Variants in RANBP9 observed in about 807,000 individuals in gnomAD.
The protein encoded by RANBP9 is ran-binding protein 9.
RANBP9 carries 15 observed loss-of-function variants against 84.3 expected under a neutral mutation model. That is an observed-to-expected ratio of 0.18 (90% CI 0.12 to 0.27). RANBP9 has a LOEUF of 0.27. Ranked by LOEUF, RANBP9 falls within the 10% of genes least tolerant of loss-of-function variation. RANBP9 has a pLI of 1.00. For missense variants in RANBP9, 809 were observed against 912.8 expected (o/e 0.89, Z 1.46); for synonymous variants, 392 against 349.6 (o/e 1.12, Z -1.35).
intron 10 of RANBP9, 126 bp from the exon 11 acceptor site, chr6:13,634,678 AAAG>A: frequency 1.1e-6 from 1 of 942,996 alleles, no homozygotes; most frequent in South Asian, 2.4e-5. Flanking sequence ...AATCTGCAAA[AAAG>A]GTATTTAGTT....
intron 1 of RANBP9, among the ~76,000 whole-genome samples, chr6:13,704,102 TTC>T: frequency 6.6e-6 from 1 of 152,326 alleles, no homozygotes; most frequent in Admixed American, 6.5e-5. Context: ...ATATCTGCCT[TTC>T]TCTGGCCTTA....
chr6:13,651,267 G>A (rs1335676384), intron 5 of RANBP9, among the ~76,000 whole-genome samples: 2 of 152,114 alleles, frequency 1.3e-5, no homozygotes, highest in Admixed American at 6.5e-5. Context: ...AATAAGATAC[G>A]TGGAATCAAA....
intron 1 of RANBP9, among the ~76,000 whole-genome samples, chr6:13,703,956 T>C (rs1252736009): frequency 6.6e-6 from 1 of 152,240 alleles, no homozygotes; most frequent in African/African-American, 2.4e-5. Flanking sequence ...ATTTTATTCA[T>C]GGTTCACTGC....
intron 5 of RANBP9, among the ~76,000 whole-genome samples, chr6:13,648,363 G>C (rs1425790233): frequency 4.6e-5 from 7 of 151,942 alleles, no homozygotes; most frequent in African/African-American, 1.2e-4. Context: ...GGCCAGGATA[G>C]TCTTGATCTC....
chr6:13,668,984 C>G (rs979601700), intron 2 of RANBP9, among the ~76,000 whole-genome samples: 29 of 151,890 alleles, frequency 1.9e-4, no homozygotes, highest in African/African-American at 6.5e-4. Context: ...TATAGAAAAT[C>G]CTAAAGAATC....
intron 13 of RANBP9, among the ~76,000 whole-genome samples, chr6:13,622,954 C>G (rs1044129551): frequency 6.6e-6 from 1 of 152,148 alleles, no homozygotes; most frequent in African/African-American, 2.4e-5. Context: ...CTAGCCATCT[C>G]CAAGGCATAT....
intron 2 of RANBP9, among the ~76,000 whole-genome samples, chr6:13,678,229 T>C (rs1375232913): frequency 2.0e-5 from 3 of 152,086 alleles, no homozygotes; most frequent in Admixed American, 6.5e-5. Flanking sequence ...CTAAAAGAAA[T>C]GAGAACTTAT....
chr6:13,640,762 TAA>T (rs1426234934), intron 8 of RANBP9, among the ~76,000 whole-genome samples: 1 of 152,114 alleles, frequency 6.6e-6, no homozygotes, highest in Non-Finnish European at 1.5e-5. Flanking sequence ...GGTTAGTGTT[TAA>T]TAGAGAGTTT....
In RANBP9 at chr6:13,632,553, C is replaced by T. The variant is rs769897977; in HGVS notation, c.1796-32G>A. Reference sequence around the variant, plus strand: ...GAAAAACAGACAAGTATTTTACTACCTTATGGAATGGAGTATAATGAGGAC... The same window carrying T: ...GAAAAACAGACAAGTATTTTACTACTTTATGGAATGGAGTATAATGAGGAC... On this transcript the variant is annotated intron_variant, in intron 11 of 13. Coordinates refer to ENST00000011619, the MANE Select transcript of RANBP9 (RefSeq NM_005493.3). The T allele has an allele frequency of 2.8e-5, 44 of 1,581,908 alleles. No homozygotes were observed. The African/African-American group carries it at 5.1e-4, about 18-fold the overall frequency.
chr6:13,686,476 G>C (rs957204283), intron 2 of RANBP9, among the ~76,000 whole-genome samples: 6 of 151,746 alleles, frequency 4.0e-5, no homozygotes, highest in African/African-American at 1.2e-4. Flanking sequence ...GTAGAGACAG[G>C]GTTTTACCAT....
chr6:13,641,243 G>A lies in RANBP9; in HGVS notation c.1290C>T (p.Tyr430=), dbSNP rs763332866. 1.3e-5 allele frequency: 21 copies of A among 1,601,196 alleles called. No individual in the cohort carries two copies. Among genetic ancestry groups the A allele is most frequent in the Admixed American group, 1.7e-5 (1 of 58,388 alleles). The part of the protein sequence containing the change: ...GEAIETTQQL[Y]PSLLERNPNL... ...TAGGATTTCTTTCAAGTAAACTTGG[G>A]TATAACTGTTGTGTTGTTTCAATGG... The change falls in exon 8 of 14, where the codon TAC becomes TAT. Residue 430 remains tyrosine, a synonymous_variant. Coordinates refer to ENST00000011619, the MANE Select transcript of RANBP9 (RefSeq NM_005493.3).
At chr6:13,656,108 A>T (rs574732719) in intron 4 of RANBP9, among the ~76,000 whole-genome samples, 1 of 152,324 alleles carries the variant, frequency 6.6e-6, no homozygotes, top group Admixed American at 6.5e-5. Flanking sequence ...GAGTATTGCC[A>T]ATGCAGCCAG....
chr6:13,693,451 A>G lies in RANBP9; in HGVS notation c.683+3334T>C, dbSNP rs574126221. On this transcript the variant is annotated intron_variant, in intron 2 of 13. Coordinates refer to ENST00000011619, the MANE Select transcript of RANBP9 (RefSeq NM_005493.3). ...GGAACTCTCATACACTGCTGGTAGA[A>G]ATGCAAACCAGTGGGCCAGGCACAG... 9.2e-5 allele frequency among the ~76,000 whole-genome samples: 14 copies of G among 152,328 alleles called. No individual in the cohort carries two copies. In the South Asian group the frequency reaches 2.3e-3, roughly 25 times the overall value.
chr6:13,709,632 G>A (rs891234461), intron 1 of RANBP9, among the ~76,000 whole-genome samples: 2 of 152,194 alleles, frequency 1.3e-5, no homozygotes, highest in East Asian at 1.9e-4. Flanking sequence ...TTAGATTAAG[G>A]AGGATAACAC....
chr6:13,682,230 A>T (rs1345415092), intron 2 of RANBP9, among the ~76,000 whole-genome samples: 1 of 152,176 alleles, frequency 6.6e-6, no homozygotes, highest in Non-Finnish European at 1.5e-5. Context: ...ACAAAAATTT[A>T]AAAATCAGTC....
chr6:13,636,558 C>G (rs1165176798), intron 10 of RANBP9, among the ~76,000 whole-genome samples: 2 of 152,246 alleles, frequency 1.3e-5, no homozygotes, highest in Non-Finnish European at 2.9e-5. Context: ...TGACTGCAAT[C>G]TTACCCTCAA....
At position 13,642,503 on chromosome 6, in the gene RANBP9, A is replaced by G. The variant is rs1361808312; in HGVS notation, c.1201T>C (p.Leu401=). ...CTTTGTCTATTCTTAATGGAAGCTA[A>G]TTCTTCTAGAACGGTCTGGTCTGTA... ...RSTDQTVLEE[L]ASIKNRQRIQ... is the part of the protein sequence containing the mutation. Residue 401 remains leucine (L), a synonymous_variant, in exon 7 of 14, where the codon TTA becomes CTA. Transcript: ENST00000011619. 3.1e-6 allele frequency: 5 copies of G among 1,600,122 alleles called. No homozygotes were observed. In the East Asian group the frequency reaches 1.1e-4, roughly 36 times the overall value.
intron 1 of RANBP9, among the ~76,000 whole-genome samples, chr6:13,703,365 T>A (rs1461305032): frequency 6.6e-6 from 1 of 152,198 alleles, no homozygotes; most frequent in African/African-American, 2.4e-5. Context: ...AAGTGACTCC[T>A]AAATCAGTCA....
At chr6:13,707,498 T>C (rs1261682994) in intron 1 of RANBP9, among the ~76,000 whole-genome samples, 2 of 152,218 alleles carry the variant, frequency 1.3e-5, no homozygotes, top group Non-Finnish European at 2.9e-5. Context: ...AAGTTCTAAA[T>C]GTGATCACAG....
Sources: gnomAD v4.1 joint callset for allele counts (sites outside exome capture counted in the v4.1 genomes callset) on GRCh38, gnomAD v4.1.1 for gene constraint, MANE v1.5 for transcripts, NCBI Gene and HGNC (gene_info 2026-07-23, HGNC 2026-07-21) for gene names.